KIAA0753: variants seen among roughly 807,000 people sequenced by gnomAD.
The protein encoded by KIAA0753 is KIAA0753.
A neutral mutation model predicts 116.9 loss-of-function variants in KIAA0753; 114 were observed. The ratio of observed to expected loss-of-function variants is 0.98; its 90% CI spans 0.84 to 1.14. KIAA0753 has a LOEUF of 1.14. Among genes scored for constraint, KIAA0753 ranks in the 50% most tolerant of loss-of-function variants. The pLI is 0.00. For missense variants in KIAA0753, 1,156 were observed against 1,172.4 expected (o/e 0.99, Z 0.20); for synonymous variants, 405 against 413.1 (o/e 0.98, Z 0.24).
rs1188542999 is a variant in KIAA0753, at chr17:6,628,651, G to GT, written c.183dup (p.Leu62ThrfsTer7). 2 of 1,614,096 alleles carry GT rather than the reference G, an allele frequency of 1.2e-6. No individual in the cohort carries two copies. The highest frequency in any genetic ancestry group is 3.3e-4 in the Middle Eastern group (2 of 6,060). On this transcript the variant is annotated frameshift_variant, in exon 3 of 19. Transcript: ENST00000361413. LOFTEE classifies it high-confidence loss of function. ...TATGATTCATTGTATGAGTGCTTCA[G>GT]TTTTTCAATTCTAATGGCATGTGGG...
chr17:6,583,403 T>G (rs1361785619), intron 18 of KIAA0753, among the ~76,000 whole-genome samples: 1 of 152,198 alleles, frequency 6.6e-6, no homozygotes, highest in Non-Finnish European at 1.5e-5. Flanking sequence ...TTTGCTACTC[T>G]GGGGAAGTGA....
At chr17:6,626,440 A>G (rs529352062) in intron 3 of KIAA0753, among the ~76,000 whole-genome samples, 1 of 152,230 alleles carries the variant, frequency 6.6e-6, no homozygotes, top group Non-Finnish European at 1.5e-5. Flanking sequence ...AAGAGACCCT[A>G]TATGTCTAAT....
At chr17:6,608,120 A>ATAT (rs1970307312) in intron 10 of KIAA0753, among the ~76,000 whole-genome samples, 1 of 152,250 alleles carries the variant, frequency 6.6e-6, no homozygotes, top group East Asian at 1.9e-4. Flanking sequence ...ATTGACACAT[A>ATAT]TATAATTTAT....
chr17:6,626,696 A>AATT (rs1435938024), intron 3 of KIAA0753, among the ~76,000 whole-genome samples: 1 of 152,164 alleles, frequency 6.6e-6, no homozygotes, highest in African/African-American at 2.4e-5. Flanking sequence ...TAAGTACAGA[A>AATT]ATTTAAAGTA....
chr17:6,612,801 G>C (rs1970643171), intron 7 of KIAA0753, among the ~76,000 whole-genome samples: 1 of 152,240 alleles, frequency 6.6e-6, no homozygotes, highest in Admixed American at 6.5e-5. Context: ...TCAGGAGACA[G>C]AGGTTGCAGT....
Position 6,611,510 on chromosome 17 carries a change from C to T in KIAA0753, c.1545+409G>A, listed in dbSNP as rs144327846. ...ATGGGGTCTCACTATGTTGCCCAGG[C>T]TGGTCTTAAACTCCTGGCCTCAAGC... On this transcript the variant is annotated intron_variant, in intron 8 of 18. Transcript: ENST00000361413. 9.6e-3 allele frequency among the ~76,000 whole-genome samples: 1,467 copies of T among 152,162 alleles called. 30 individuals carry two copies. Among genetic ancestry groups the T allele is most frequent in the African/African-American group, 0.033 (1,380 of 41,500 alleles).
At chr17:6,586,972 T>C (rs1002292485) in intron 18 of KIAA0753, among the ~76,000 whole-genome samples, 1 of 152,206 alleles carries the variant, frequency 6.6e-6, no homozygotes, top group African/African-American at 2.4e-5. Flanking sequence ...TAGTGGCTCA[T>C]GCCTGTAATC....
At chr17:6,632,858 T>TA (rs1278115388) in intron 2 of KIAA0753, among the ~76,000 whole-genome samples, 13 of 151,936 alleles carry the variant, frequency 8.6e-5, no homozygotes, top group Admixed American at 7.2e-4. Flanking sequence ...CCTATATTCT[T>TA]AAAAAAAATC....
At chr17:6,591,061 A>AG (rs756256430) in intron 16 of KIAA0753, among the ~76,000 whole-genome samples, 5,850 of 71,562 alleles carry the variant, frequency 0.082, 218 homozygotes, top group Middle Eastern at 0.12. Flanking sequence ...AAGAAGAAGA[A>AG]GAAGAAGAAG....
chr17:6,592,391 T>A (rs1247781407), intron 16 of KIAA0753, among the ~76,000 whole-genome samples: 3 of 152,220 alleles, frequency 2.0e-5, no homozygotes, highest in Admixed American at 2.0e-4. Context: ...GGCGCTTACA[T>A]TCCTTAGAGG....
intron 7 of KIAA0753, among the ~76,000 whole-genome samples, chr17:6,618,742 T>C (rs1437122139): frequency 6.6e-6 from 1 of 152,180 alleles, no homozygotes; most frequent in East Asian, 1.9e-4. Context: ...ATCAACTGAA[T>C]TCTGGACTGA....
At chr17:6,640,516 G>A (rs1972607885) in intron 1 of KIAA0753, 121 bp downstream of exon 1, 2 of 141,266 alleles carry the variant, frequency 1.4e-5, no homozygotes, top group South Asian at 4.9e-4. Flanking sequence ...AAGCCTAGAC[G>A]GCAGAAAAGG....
intron 4 of KIAA0753, among the ~76,000 whole-genome samples, chr17:6,624,536 CCACACACACACACACA>C (rs55849399): frequency 3.5e-5 from 5 of 143,910 alleles, no homozygotes; most frequent in Non-Finnish European, 6.1e-5. Context: ...GAGTTTGGCG[CCACACACACACACACA>C]CACACACACA....
intron 18 of KIAA0753, among the ~76,000 whole-genome samples, chr17:6,586,904 C>A (rs540944192): frequency 8.5e-5 from 13 of 152,268 alleles, no homozygotes; most frequent in African/African-American, 3.1e-4. Flanking sequence ...TTTTAAAGAT[C>A]TGATCAATAT....
chr17:6,633,666 A>G (rs1245928517), intron 2 of KIAA0753, among the ~76,000 whole-genome samples: 1 of 152,214 alleles, frequency 6.6e-6, no homozygotes. Flanking sequence ...CGGATAAACA[A>G]ACTGTGGTAT....
At chr17:6,634,226 C>T (rs1029112565) in intron 2 of KIAA0753, among the ~76,000 whole-genome samples, 1 of 151,838 alleles carries the variant, frequency 6.6e-6, no homozygotes, top group South Asian at 2.1e-4. Context: ...CCCCAGCCTC[C>T]GAAGTAGCTG....
Position 6,616,959 on chromosome 17 carries a change from C to T in KIAA0753, c.1315+3829G>A, listed in dbSNP as rs564200476. ...GCCTCCCAGCTTTCCTACATTTGTTCCTGTAATGAGTTTTAGGTTAGCAGG... is the reference window on the plus strand; with the variant it reads ...GCCTCCCAGCTTTCCTACATTTGTTTCTGTAATGAGTTTTAGGTTAGCAGG... On this transcript the variant is annotated intron_variant, in intron 7 of 18. Coordinates refer to ENST00000361413, the MANE Select transcript of KIAA0753 (RefSeq NM_014804.3). 3.4e-4 allele frequency among the ~76,000 whole-genome samples: 52 copies of T among 152,284 alleles called. No individual in the cohort carries two copies. The South Asian group carries it at 3.5e-3, about 10-fold the overall frequency.
chr17:6,593,264 C>T (rs67454470), intron 16 of KIAA0753, among the ~76,000 whole-genome samples: 13,436 of 151,868 alleles, frequency 0.088, 615 homozygotes, highest in Non-Finnish European at 0.11. Context: ...GGCCAGGTGA[C>T]GGGGCTCATG....
In KIAA0753 at chr17:6,585,440, A is replaced by G. The variant is rs1036475336; in HGVS notation, c.2786+4339T>C. Among the ~76,000 whole-genome samples, 36 of 152,186 alleles carry G rather than the reference A, an allele frequency of 2.4e-4. 1 individual carries two copies. Among genetic ancestry groups the G allele is most frequent in the Admixed American group, 1.3e-4 (2 of 15,284 alleles). On this transcript the variant is annotated intron_variant, in intron 18 of 18. Transcript: ENST00000361413. ...TAACAGTCTTCTGGGAAATTTTCTTATAGCATTTCTCTGATAATTTCCCAT... is the reference window on the plus strand; with the variant it reads ...TAACAGTCTTCTGGGAAATTTTCTTGTAGCATTTCTCTGATAATTTCCCAT...
Sources: gnomAD v4.1 joint callset for allele counts (sites outside exome capture counted in the v4.1 genomes callset) on GRCh38, gnomAD v4.1.1 for gene constraint, MANE v1.5 for transcripts, NCBI Gene and HGNC (gene_info 2026-07-23, HGNC 2026-07-21) for gene names.